TSC2: variants seen among roughly 807,000 people sequenced by gnomAD.
The protein encoded by TSC2 is tuberin.
Under a neutral mutation model 202.2 loss-of-function variants are expected in TSC2, and 29 were observed. That is an observed-to-expected ratio of 0.14 (90% CI 0.11 to 0.20). The LOEUF (loss-of-function observed/expected upper bound fraction) is 0.20. TSC2 is among the 10% of genes least tolerant of loss of function. TSC2 has a pLI of 1.00. For missense variants in TSC2, 2,429 were observed against 2,420.0 expected (o/e 1.00, Z -0.08); for synonymous variants, 1,349 against 1,044.0 (o/e 1.29, Z -5.63).
rs373380255 is a variant in TSC2 at position 2,088,630 on chromosome 16, G to C, written c.*20G>C. 4 of 1,596,504 alleles carry C rather than the reference G, an allele frequency of 2.5e-6. No individual in the cohort carries two copies. The African/African-American group carries it at 5.4e-5, about 21-fold the overall frequency. ...GTGTGAGGCCGGGGCCCTCCCTCCTGCACTGGCCTTGGACGGTATTGCCTG... is the reference window on the plus strand; with the variant it reads ...GTGTGAGGCCGGGGCCCTCCCTCCTCCACTGGCCTTGGACGGTATTGCCTG... On this transcript the variant is annotated 3_prime_UTR_variant, in exon 42 of 42. Transcript: ENST00000219476.
chr16:2,087,173 C>T (rs1596447117), intron 38 of TSC2: 1 of 466,540 alleles, frequency 2.1e-6, no homozygotes, highest in East Asian at 4.2e-5. Context: ...CCTTGGGCCC[C>T]CACCATCTCC....
At chr16:2,049,127 C>T (rs2084761236) in intron 2 of TSC2, among the ~76,000 whole-genome samples, 1 of 152,032 alleles carries the variant, frequency 6.6e-6, no homozygotes, top group South Asian at 2.1e-4. Context: ...GCTCTGTTGC[C>T]TAGGCTGGAG....
chr16:2,082,599 G>A (rs891372496), intron 32 of TSC2, 95 bp downstream of exon 32: 40 of 1,402,238 alleles, frequency 2.9e-5, no homozygotes, highest in East Asian at 2.1e-4. Flanking sequence ...CCCATGGTCC[G>A]TCTGCCTCCA....
At chr16:2,056,867 G>A (rs2151084194) in intron 8 of TSC2, 98 bp downstream of exon 8, 1 of 1,579,722 alleles carries the variant, frequency 6.3e-7, no homozygotes, top group Non-Finnish European at 8.6e-7. Flanking sequence ...TTCTTGGGGT[G>A]GCCAGACAAT....
Position 2,047,985 on chromosome 16 carries a change from G to GCA in TSC2, c.-109_-108insAC. 6.6e-7 allele frequency: 1 copy of GCA among 1,512,270 alleles called. No homozygotes were observed. Among genetic ancestry groups the GCA allele is most frequent in the South Asian group, 1.2e-5 (1 of 81,904 alleles). 93.7% of individuals were successfully genotyped at this position (1,512,270 alleles called of 1,614,324 possible). On this transcript the variant is annotated 5_prime_UTR_variant, in exon 1 of 42. Transcript: ENST00000219476. ...TGCCGCTACCGGAAGTGCGGGTCGC[G>GCA]CTTCCGGCGGCGTCCCGGGGCCAGG...
rs1017211106 is a variant in TSC2 at position 2,074,477 on chromosome 16, C to A, written c.2545+88C>A. ...TTCTCTGGTGCCCTCTCTCAGGACTCCTTGGGGAACCTGGGTGTCTCGCCT... is the reference window on the plus strand; with the variant it reads ...TTCTCTGGTGCCCTCTCTCAGGACTACTTGGGGAACCTGGGTGTCTCGCCT... On this transcript the variant is annotated intron_variant, in intron 22 of 41. Coordinates refer to ENST00000219476, the MANE Select transcript of TSC2 (RefSeq NM_000548.5). 6.0e-6 allele frequency: 9 copies of A among 1,510,078 alleles called. No individual in the cohort carries two copies. The South Asian group carries it at 7.0e-5, about 12-fold the overall frequency. The allele number at this position is 1,510,078 out of a possible 1,614,324, so 93.5% of individuals were successfully genotyped here.
At chr16:2,056,345 C>A in intron 7 of TSC2, 101 bp downstream of exon 7, 2 of 1,519,918 alleles carry the variant, frequency 1.3e-6, no homozygotes, top group South Asian at 1.1e-5. Context: ...GGCTGTGTAG[C>A]CCTGGGCAAG....
In TSC2 at chr16:2,079,406, C is replaced by G. The variant is rs375934693; in HGVS notation, c.3262C>G (p.Leu1088Val). Reference protein sequence around the residue: ...RSLLGLDSGELQSGPESSSSP... With the variant: ...RSLLGLDSGEVQSGPESSSSP... ...GTTACTAGGCCTGGACTCGGGGGAG[C>G]TGCAGTCCGGCCCGGAGTCGAGGTG... Residue 1088 changes from leucine (L) to valine (V), a missense_variant, in exon 28 of 42, where the codon CTG (leucine) becomes GTG (valine). Physicochemically the swap from Leu to Val is conservative, Grantham distance 32. Transcript: ENST00000219476. This position sits in a 1 kb window ranked among gnomAD's most constrained non-coding sequence, Gnocchi z 4.6. The G allele has an allele frequency of 6.2e-7, 1 of 1,612,668 alleles. No homozygotes were observed. The highest frequency in any genetic ancestry group is 1.3e-5 in the African/African-American group (1 of 74,944).
At chr16:2,055,044 C>G in intron 5 of TSC2, 1 of 396,756 alleles carries the variant, frequency 2.5e-6, no homozygotes, top group South Asian at 2.2e-5. Flanking sequence ...GCACACGTCT[C>G]CTCCGAGCCA....
At position 2,077,618 on chromosome 16, in the gene TSC2, C is replaced by A. The variant is rs1303011979; in HGVS notation, c.2858C>A (p.Pro953His). The part of the protein sequence containing the change: ...RPKSLRIARP[P>H]KQGLNNSPPV... ...GATAGTCTGAGGATAGCCAGACCCC[C>A]CAAACAAGGCTTGAATAACTCTCCA... The change falls in exon 26 of 42, where the codon CCC becomes CAC. Residue 953 changes from proline to histidine, a missense_variant. Physicochemically the swap from Pro to His is moderately conservative, Grantham distance 77. Transcript: ENST00000219476. The A allele has an allele frequency of 6.2e-7, 1 of 1,613,062 alleles. No individual in the cohort carries two copies. The highest frequency in any genetic ancestry group is 1.3e-5 in the African/African-American group (1 of 74,928).
chr16:2,057,059 G>T (rs1173162737), intron 8 of TSC2, 46 bp from the exon 9 acceptor site: 2 of 1,548,300 alleles, frequency 1.3e-6, no homozygotes, highest in Non-Finnish European at 1.7e-6. Flanking sequence ...GGGGCTGGGG[G>T]CAGGGCTTAT....
In TSC2 at chr16:2,079,653, G is replaced by T; in HGVS notation, c.3381G>T (p.Arg1127=). 1 of 1,599,770 alleles carries T rather than the reference G, an allele frequency of 6.3e-7. No homozygotes were observed. Among genetic ancestry groups the T allele is most frequent in the Non-Finnish European group, 8.5e-7 (1 of 1,174,282 alleles). Reference sequence around the variant, plus strand: ...AGGTGTCCCGTGGGGCCCGGGATCGGGTCCGTTCCATGTCGGGTGAGCCTT... The same window carrying T: ...AGGTGTCCCGTGGGGCCCGGGATCGTGTCCGTTCCATGTCGGGTGAGCCTT... ...GQQVSRGARD[R]VRSMSGGHGL... The change falls in exon 29 of 42, where the codon CGG becomes CGT. Residue 1127 remains arginine, a synonymous_variant. Transcript: ENST00000219476. The surrounding 1 kb of genome is among the most constrained non-coding windows in gnomAD (Gnocchi z 4.6).
intron 15 of TSC2, 64 bp from the exon 16 acceptor site, chr16:2,065,455 T>C: frequency 8.5e-7 from 1 of 1,181,694 alleles, no homozygotes; most frequent in Non-Finnish European, 1.3e-6. Flanking sequence ...TGGTAGAAAG[T>C]GTTCTCACGG....
chr16:2,072,393 G>A (rs776030443), intron 20 of TSC2, 30 bp downstream of exon 20: 1 of 1,613,230 alleles, frequency 6.2e-7, no homozygotes, highest in Non-Finnish European at 8.5e-7. Flanking sequence ...GTTGGGGTGG[G>A]GGACCCAGTA....
intron 31 of TSC2, chr16:2,082,102 C>T: frequency 1.7e-6 from 1 of 589,330 alleles, no homozygotes; most frequent in South Asian, 2.0e-5. Flanking sequence ...AGCCTCCCTC[C>T]CTGCCTGGGC....
chr16:2,073,951 A>G (rs1387016614), intron 21 of TSC2, among the ~76,000 whole-genome samples: 6 of 152,268 alleles, frequency 3.9e-5, no homozygotes, highest in Non-Finnish European at 8.8e-5. Context: ...GCCCAGAACC[A>G]GGGGATGAGA....
At chr16:2,073,596 G>T (rs956904274) in intron 21 of TSC2, among the ~76,000 whole-genome samples, 2 of 152,204 alleles carry the variant, frequency 1.3e-5, no homozygotes, top group Non-Finnish European at 2.9e-5. Context: ...CTGTTGTTGG[G>T]TTCCCATCCC....
At chr16:2,065,245 C>G (rs1438064223) in intron 15 of TSC2, 2 of 411,546 alleles carry the variant, frequency 4.9e-6, no homozygotes, top group Non-Finnish European at 9.1e-6. Flanking sequence ...AACCCCATCT[C>G]TACTAAAAAT....
intron 3 of TSC2, among the ~76,000 whole-genome samples, chr16:2,052,315 T>C (rs1171141582): frequency 6.6e-6 from 1 of 151,740 alleles, no homozygotes; most frequent in Non-Finnish European, 1.5e-5. Context: ...GCCATTTTGT[T>C]ATTATTTGGT....
Sources: allele counts gnomAD v4.1 joint callset (sites outside exome capture counted in the v4.1 genomes callset), GRCh38; gene constraint gnomAD v4.1.1; non-coding constraint Gnocchi (gnomAD v3.1); transcripts MANE v1.5; gene names NCBI Gene and HGNC (gene_info 2026-07-23, HGNC 2026-07-21).